PLEKHG5: variants seen among roughly 807,000 people sequenced by gnomAD.
The protein encoded by PLEKHG5 is pleckstrin homology and RhoGEF domain containing G5.
A neutral mutation model predicts 103.8 loss-of-function variants in PLEKHG5; 52 were observed. The observed-to-expected ratio is 0.50, with a 90% CI of 0.40 to 0.63. The LOEUF is 0.63. Ranked by LOEUF, PLEKHG5 falls within the 30% of genes least tolerant of loss-of-function variation. The pLI is 0.00. For synonymous variants in PLEKHG5, 592 were observed against 575.5 expected (o/e 1.03, Z -0.41); for missense variants, 1,205 against 1,347.6 (o/e 0.89, Z 1.66).
chr1:6,467,564 C>G lies in PLEKHG5; in HGVS notation c.3020G>C (p.Ter1007SerextTer10). The change falls in exon 21 of 21, where the codon TGA becomes TCA. Residue 1007 changes from the stop codon to serine, a stop_lost. Transcript: ENST00000377728. ...GCACTCTTGGGGGCCTCCCTCTGCT[C>G]AGACCTCCCTACAGGGTGGGGAGGG... ...LNSTLTASEV* is the reference protein window; with the variant it reads ...LNSTLTASEVS 1 of 1,613,514 alleles carries G rather than the reference C, an allele frequency of 6.2e-7. No homozygotes were observed. Among genetic ancestry groups the G allele is most frequent in the Non-Finnish European group, 8.5e-7 (1 of 1,179,800 alleles).
At chr1:6,510,279 G>A (rs1473298152) in intron 1 of PLEKHG5, among the ~76,000 whole-genome samples, 2 of 152,166 alleles carry the variant, frequency 1.3e-5, no homozygotes, top group Non-Finnish European at 2.9e-5. Context: ...CGCTCCACCA[G>A]GCCAAGTAAA....
At chr1:6,475,227 C>T in intron 4 of PLEKHG5, 89 bp from the exon 5 acceptor site, 2 of 554,974 alleles carry the variant, frequency 3.6e-6, no homozygotes, top group Middle Eastern at 5.4e-4. Flanking sequence ...CACCCTCCTT[C>T]CCAACCCTCC....
upstream of PLEKHG5, among the ~76,000 whole-genome samples, chr1:6,500,087 G>A (rs1242768598): frequency 1.3e-5 from 2 of 152,182 alleles, no homozygotes; most frequent in African/African-American, 4.8e-5. Flanking sequence ...TAGTTGTTGA[G>A]CCATCTACAT....
intron 1 of PLEKHG5, among the ~76,000 whole-genome samples, chr1:6,506,413 G>T (rs1483758349): frequency 1.3e-5 from 2 of 152,210 alleles, no homozygotes; most frequent in African/African-American, 4.8e-5. Flanking sequence ...TACAAATTTC[G>T]CCTTCCCGGC....
chr1:6,503,007 G>A (rs3007434), intron 1 of PLEKHG5, among the ~76,000 whole-genome samples: 17,161 of 152,222 alleles, frequency 0.11, 1,054 homozygotes, highest in South Asian at 0.16. Flanking sequence ...GTGCATCTGG[G>A]TGCCACCACT....
intron 1 of PLEKHG5, among the ~76,000 whole-genome samples, chr1:6,516,881 TATATACAC>T (rs375709735): frequency 0.22 from 6,035 of 27,610 alleles, 189 homozygotes; most frequent in South Asian, 0.44. Context: ...TATATATATA[TATATACAC>T]ATATATATAT....
At chr1:6,484,653 C>A (rs2148612147) in intron 1 of PLEKHG5, among the ~76,000 whole-genome samples, 1 of 152,314 alleles carries the variant, frequency 6.6e-6, no homozygotes, top group South Asian at 2.1e-4. Flanking sequence ...ATGGCCCCTT[C>A]TTGAAGCCAG....
intron 8 of PLEKHG5, 25 bp downstream of exon 8, chr1:6,473,226 A>T: frequency 6.2e-7 from 1 of 1,612,414 alleles, no homozygotes; most frequent in Non-Finnish European, 8.5e-7. Context: ...CAGCTGCCTG[A>T]CCCTGGGCAG....
intron 1 of PLEKHG5, among the ~76,000 whole-genome samples, chr1:6,484,227 C>T (rs1192958897): frequency 4.6e-5 from 7 of 152,182 alleles, no homozygotes; most frequent in African/African-American, 1.4e-4. Context: ...ACGCACCCCA[C>T]CCTGGATCCC....
chr1:6,513,204 G>A (rs1435864548), intron 1 of PLEKHG5, among the ~76,000 whole-genome samples: 1 of 152,220 alleles, frequency 6.6e-6, no homozygotes, highest in African/African-American at 2.4e-5. Context: ...CAGGGCAGGT[G>A]CCAGGGAAAT....
At chr1:6,508,204 C>T (rs1342782320) in intron 1 of PLEKHG5, among the ~76,000 whole-genome samples, 1 of 152,222 alleles carries the variant, frequency 6.6e-6, no homozygotes, top group Admixed American at 6.5e-5. Flanking sequence ...TCCCAGGCAT[C>T]CATTTCGGGC....
chr1:6,512,433 A>AT (rs928574791), intron 1 of PLEKHG5, among the ~76,000 whole-genome samples: 43 of 152,212 alleles, frequency 2.8e-4, no homozygotes, highest in African/African-American at 1.0e-3. Context: ...GCCCACTGGC[A>AT]TGGGCCCCTC....
chr1:6,484,238 T>C (rs1644969446), intron 1 of PLEKHG5, among the ~76,000 whole-genome samples: 1 of 152,168 alleles, frequency 6.6e-6, no homozygotes, highest in African/African-American at 2.4e-5. Flanking sequence ...CCTGGATCCC[T>C]TGAAAGCCTC....
chr1:6,489,663 G>A (rs1261547309), intron 1 of PLEKHG5, among the ~76,000 whole-genome samples: 1 of 152,186 alleles, frequency 6.6e-6, no homozygotes, highest in Non-Finnish European at 1.5e-5. Flanking sequence ...AAGCCTCCTT[G>A]GTAGGGAGCG....
chr1:6,468,791 C>A (rs1026448313), intron 19 of PLEKHG5, among the ~76,000 whole-genome samples: 2 of 152,304 alleles, frequency 1.3e-5, no homozygotes, highest in South Asian at 2.1e-4. Flanking sequence ...CTCTTCCCTG[C>A]CAAGGCTGGA....
chr1:6,488,007 C>G (rs886584328), intron 1 of PLEKHG5, among the ~76,000 whole-genome samples: 4 of 152,196 alleles, frequency 2.6e-5, no homozygotes, highest in African/African-American at 9.6e-5. Flanking sequence ...GTCAACAGAG[C>G]CTTCCCCACT....
chr1:6,483,187 A>G (rs570417637), intron 1 of PLEKHG5, among the ~76,000 whole-genome samples: 9 of 152,232 alleles, frequency 5.9e-5, no homozygotes, highest in Non-Finnish European at 1.2e-4. Context: ...AACAGGGCAC[A>G]GGACTGGCAG....
At position 6,473,061 on chromosome 1, in the gene PLEKHG5, G is replaced by A. The variant is rs376900021; in HGVS notation, c.909C>T (p.Tyr303=). 2.4e-5 allele frequency: 39 copies of A among 1,613,762 alleles called. No homozygotes were observed. The highest frequency in any genetic ancestry group is 1.8e-4 in the East Asian group (8 of 44,880). Residue 303 remains tyrosine (Y), a synonymous_variant, in exon 9 of 21, where the codon TAC becomes TAT. Transcript: ENST00000377728. ...RFDHDSWEEE[Y]DEDEDEDNAC... is the part of the protein sequence containing the mutation. ...CATTGTCCTCATCCTCGTCTTCATC[G>A]TACTCCTCCTCCCAGGAGTCATGGT...
At position 6,479,025 on chromosome 1, in the gene PLEKHG5, A is replaced by G. The variant is rs150414196; in HGVS notation, c.-87-1367T>C. On this transcript the variant is annotated intron_variant, in intron 1 of 20. Coordinates refer to ENST00000377728, the MANE Select transcript of PLEKHG5 (RefSeq NM_020631.6). The stretch of plus-strand genomic sequence containing the variant: ...CATGCCCTCTGGACTCCCCAAGTTG[A>G]TATCTACCACATCTGCTTCTCTCCC... Among the ~76,000 whole-genome samples, 7 of 52,758 alleles carry G rather than the reference A, an allele frequency of 1.3e-4. No homozygotes were observed. In the East Asian group the frequency reaches 5.0e-3, roughly 38 times the overall value. 34.6% of individuals were successfully genotyped at this position (52,758 alleles called of 152,430 possible).
Sources: allele counts gnomAD v4.1 joint callset (sites outside exome capture counted in the v4.1 genomes callset), GRCh38; gene constraint gnomAD v4.1.1; transcripts MANE v1.5; gene names NCBI Gene and HGNC (gene_info 2026-07-23, HGNC 2026-07-21).